IGDCC3: variants seen among roughly 807,000 people sequenced by gnomAD.
IGDCC3 encodes the protein immunoglobulin superfamily DCC subclass member 3.
Under a neutral mutation model 72.0 loss-of-function variants are expected in IGDCC3, and 47 were observed. That is an observed-to-expected ratio of 0.65 (90% confidence interval 0.52 to 0.83). The LOEUF is 0.83. IGDCC3 is among the 40% of genes least tolerant of loss of function. The pLI is 0.00. For missense variants in IGDCC3, 1,038 were observed against 1,091.3 expected, an observed-to-expected ratio of 0.95 and a Z score of 0.69; for synonymous variants, 477 against 472.8, an observed-to-expected ratio of 1.01 and a Z score of -0.11.
chr15:65,365,235 C>T (rs1016606639), intron 2 of IGDCC3, among the ~76,000 whole-genome samples: 5 of 151,946 alleles, frequency 3.3e-5, no homozygotes, highest in African/African-American at 1.2e-4. Context: ...CTGCAGCCTG[C>T]GACTCAATGA....
At chr15:65,349,115 CTAGT>C (rs2091151384) in intron 2 of IGDCC3, among the ~76,000 whole-genome samples, 1 of 152,144 alleles carries the variant, frequency 6.6e-6, no homozygotes, top group African/African-American at 2.4e-5. Context: ...GCTGAAACTC[CTAGT>C]TAGAGGTTGG....
chr15:65,349,740 T>C (rs2091157442), intron 2 of IGDCC3, among the ~76,000 whole-genome samples: 1 of 152,230 alleles, frequency 6.6e-6, no homozygotes, highest in Non-Finnish European at 1.5e-5. Context: ...TTTTGGTCTC[T>C]GGCTTCAGGG....
chr15:65,336,624 CTG>C (rs996616519), intron 2 of IGDCC3, among the ~76,000 whole-genome samples: 1 of 152,130 alleles, frequency 6.6e-6, no homozygotes, highest in Non-Finnish European at 1.5e-5. Flanking sequence ...TCTCAGAAGA[CTG>C]TCAGACCTAC....
At position 65,331,494 on chromosome 15, in the gene IGDCC3, A is replaced by C; in HGVS notation, c.1314T>G (p.Thr438=). Residue 438 remains threonine, a synonymous_variant, in exon 8 of 14, where the codon ACT becomes ACG. Coordinates refer to ENST00000327987, the MANE Select transcript of IGDCC3 (RefSeq NM_004884.4). ...GCTCACTCCAGGACACACGCACCTC[A>C]GTGGAAGACACAGAGACTGCCCGCA... The part of the protein sequence containing the change: ...RNVRAVSVSS[T]EVRVSWSEPL... 6.2e-7 allele frequency: 1 copy of C among 1,613,724 alleles called. No homozygotes were observed. Among genetic ancestry groups the C allele is most frequent in the South Asian group, 1.1e-5 (1 of 91,038 alleles).
Position 65,327,696 on chromosome 15 carries a change from T to C in IGDCC3, c.*1213A>G, listed in dbSNP as rs922715226. 3 of 152,540 alleles carry C rather than the reference T, an allele frequency of 2.0e-5. No homozygotes were observed. The highest frequency in any genetic ancestry group is 7.2e-5 in the African/African-American group (3 of 41,404). The allele number at this position is 152,540 out of a possible 1,614,324, so 9.4% of individuals were successfully genotyped here. A position where few individuals can be genotyped will look rare whatever the true frequency, so the allele number is the denominator to read the frequency against. Reference sequence around the variant, plus strand: ...ACCCTTAACACACCTTGTATAAAAATAGCTTCCGGCCATGGCTGCTGACAG... The same window carrying C: ...ACCCTTAACACACCTTGTATAAAAACAGCTTCCGGCCATGGCTGCTGACAG... On this transcript the variant is annotated 3_prime_UTR_variant, in exon 14 of 14. Transcript: ENST00000327987.
chr15:65,327,387 C>G lies in IGDCC3; in HGVS notation c.*1522G>C, dbSNP rs1383926666. ...TCCACGCGGACACAGCTCTAGTTTT[C>G]TAGGAAAACACCACAAATTCTATCT... On this transcript the variant is annotated 3_prime_UTR_variant, in exon 14 of 14. Coordinates refer to ENST00000327987, the MANE Select transcript of IGDCC3 (RefSeq NM_004884.4). The G allele has an allele frequency of 6.6e-6, 1 of 152,134 alleles. No homozygotes were observed. Among genetic ancestry groups the G allele is most frequent in the African/African-American group, 2.4e-5 (1 of 41,416 alleles). The allele number at this position is 152,134 out of a possible 1,614,324, so 9.4% of individuals were successfully genotyped here.
In IGDCC3 at chr15:65,329,359, G is replaced by A. The variant is rs778042100; in HGVS notation, c.2205+31C>T. 2 of 1,566,822 alleles carry A rather than the reference G, an allele frequency of 1.3e-6. No homozygotes were observed. The highest frequency in any genetic ancestry group is 8.6e-7 in the Non-Finnish European group (1 of 1,159,314). On this transcript the variant is annotated intron_variant, in intron 13 of 13. Coordinates refer to ENST00000327987, the MANE Select transcript of IGDCC3 (RefSeq NM_004884.4). The surrounding 1 kb of genome is among the most constrained non-coding windows in gnomAD (Gnocchi z 4.1). ...GAAGGTGGCAGTGTCAGAGCCTGAG[G>A]CGGGGGTTTGTTTAAGACATGGGCA... is the stretch of plus-strand genomic sequence containing the variant.
chr15:65,342,542 C>T (rs977781904), intron 2 of IGDCC3, among the ~76,000 whole-genome samples: 4 of 152,178 alleles, frequency 2.6e-5, no homozygotes, highest in African/African-American at 4.8e-5. Flanking sequence ...AGAAGTCTAT[C>T]GGATAGTGCT....
At chr15:65,361,966 C>G (rs1027171686) in intron 2 of IGDCC3, among the ~76,000 whole-genome samples, 2 of 152,148 alleles carry the variant, frequency 1.3e-5, no homozygotes, top group African/African-American at 4.8e-5. Flanking sequence ...CCTGAAACTT[C>G]GCAGCCTGGG....
intron 7 of IGDCC3, 40 bp downstream of exon 7, chr15:65,331,901 T>C (rs752154744): frequency 1.4e-5 from 22 of 1,587,276 alleles, no homozygotes; most frequent in Non-Finnish European, 1.8e-5. Flanking sequence ...CTTTCCCTGC[T>C]CTCCCCTGGT....
chr15:65,358,432 C>A (rs1035274026), intron 2 of IGDCC3, among the ~76,000 whole-genome samples: 6 of 152,106 alleles, frequency 3.9e-5, no homozygotes, highest in African/African-American at 1.4e-4. Context: ...GCTATACAGG[C>A]CACTAGCTTC....
intron 2 of IGDCC3, among the ~76,000 whole-genome samples, chr15:65,371,663 C>G (rs2091326500): frequency 6.6e-6 from 1 of 152,218 alleles, no homozygotes; most frequent in Non-Finnish European, 1.5e-5. Context: ...GCTGATCACC[C>G]CAGTTCCCCA....
At chr15:65,359,844 G>A (rs994905288) in intron 2 of IGDCC3, among the ~76,000 whole-genome samples, 1 of 152,132 alleles carries the variant, frequency 6.6e-6, no homozygotes, top group African/African-American at 2.4e-5. Context: ...GAAAGGCTTA[G>A]GTAAAATGCT....
At chr15:65,330,812 A>G in intron 9 of IGDCC3, 71 bp from the exon 10 acceptor site, 1 of 1,329,818 alleles carries the variant, frequency 7.5e-7, no homozygotes, top group Non-Finnish European at 1.0e-6. Context: ...TCCACCTGTG[A>G]CCCCGACCCC....
chr15:65,354,232 T>C (rs2091196532), intron 2 of IGDCC3, among the ~76,000 whole-genome samples: 1 of 152,168 alleles, frequency 6.6e-6, no homozygotes, highest in African/African-American at 2.4e-5. Context: ...TTAATAAACT[T>C]TGCACTGCGG....
At position 65,330,577 on chromosome 15, in the gene IGDCC3, C is replaced by G; in HGVS notation, c.1726G>C (p.Val576Leu). Residue 576 changes from valine to leucine, a missense_variant, in exon 10 of 14, where the codon GTC becomes CTC. By Grantham distance (32) the Val-to-Leu change is conservative. Transcript: ENST00000327987. ...FTGPILLPGT[V>L]SSYNLSQLDP... ...AGCTGGCTGAGGTTGTAGGAGGAGA[C>G]GGTTCCAGGCAGCAGGATGGGGCCG... 2 of 1,613,472 alleles carry G rather than the reference C, an allele frequency of 1.2e-6. No individual in the cohort carries two copies. The highest frequency in any genetic ancestry group is 1.7e-6 in the Non-Finnish European group (2 of 1,179,982).
intron 2 of IGDCC3, among the ~76,000 whole-genome samples, chr15:65,350,730 G>A (rs1025107370): frequency 6.6e-6 from 1 of 152,172 alleles, no homozygotes; most frequent in Non-Finnish European, 1.5e-5. Flanking sequence ...CCAAAATGCT[G>A]GGATTACAGG....
chr15:65,331,218 G>C lies in IGDCC3; in HGVS notation c.1397-4C>G. The stretch of plus-strand genomic sequence containing the variant: ...TGATACTCCAGCTCCGGTGGGTCTG[G>C]AGAGGCACAGGGTGGGCAGGGGAGT... On this transcript the variant is annotated splice_region_variant and splice_polypyrimidine_tract_variant and intron_variant, in intron 8 of 13. Transcript: ENST00000327987. 6.2e-7 allele frequency: 1 copy of C among 1,613,764 alleles called. No individual in the cohort carries two copies. The highest frequency in any genetic ancestry group is 8.5e-7 in the Non-Finnish European group (1 of 1,179,868).
chr15:65,377,593 C>T lies in IGDCC3; in HGVS notation c.103+93G>A. On this transcript the variant is annotated intron_variant, in intron 1 of 13. Transcript: ENST00000327987. The surrounding 1 kb of genome is among the most constrained non-coding windows in gnomAD (Gnocchi z 4.9). ...GGTCCGCCCTCAGGTCCGCGCCGCT[C>T]TCCCCGGGTCCGCCCCTCGCGCCCG... is the stretch of plus-strand genomic sequence containing the variant. 2 of 1,235,580 alleles carry T rather than the reference C, an allele frequency of 1.6e-6. No individual in the cohort carries two copies. Among genetic ancestry groups the T allele is most frequent in the Non-Finnish European group, 2.1e-6 (2 of 973,366 alleles). The allele number at this position is 1,235,580 out of a possible 1,614,324, so 76.5% of individuals were successfully genotyped here. A position where few individuals can be genotyped will look rare whatever the true frequency, so the allele number is the denominator to read the frequency against.
Sources: gnomAD v4.1 joint callset for allele counts (sites outside exome capture counted in the v4.1 genomes callset) on GRCh38, gnomAD v4.1.1 for gene constraint, Gnocchi (gnomAD v3.1) non-coding constraint, MANE v1.5 for transcripts, NCBI Gene and HGNC (gene_info 2026-07-23, HGNC 2026-07-21) for gene names.